SEC14L5: variants seen among roughly 807,000 people sequenced by gnomAD.
SEC14L5 encodes the protein SEC14-like protein 5.
A neutral mutation model predicts 84.6 loss-of-function variants in SEC14L5; 96 were observed. The ratio of observed to expected loss-of-function variants is 1.13; its 90% confidence interval spans 0.96 to 1.34. The LOEUF is 1.34. SEC14L5 is among the 40% of genes most tolerant of loss of function. The pLI is 0.00. For synonymous variants in SEC14L5, 546 were observed against 383.4 expected, an observed-to-expected ratio of 1.42 and a Z score of -4.95; for missense variants, 1,224 against 942.5, an observed-to-expected ratio of 1.30 and a Z score of -3.91.
At chr16:4,978,740 C>G (rs968624715) in intron 2 of SEC14L5, among the ~76,000 whole-genome samples, 3 of 151,792 alleles carry the variant, frequency 2.0e-5, no homozygotes, top group Non-Finnish European at 4.4e-5. Context: ...GTAGCTGGAA[C>G]TACAGGCGCC....
Position 4,990,873 on chromosome 16 carries a change from A to G in SEC14L5, c.452A>G (p.Gln151Arg). ...ENALEKIAMKQYTANVKRGKE... is the reference protein window; with the variant it reads ...ENALEKIAMKRYTANVKRGKE... ...GCCTTGGAGAAGATCGCCATGAAGC[A>G]GTACACCGCCAACGTCAAGAGGGTA... Residue 151 changes from glutamine to arginine, a missense_variant, in exon 5 of 16, where the codon CAG becomes CGG. Physicochemically the swap from Gln to Arg is conservative, Grantham distance 43. Coordinates refer to ENST00000251170, the MANE Select transcript of SEC14L5 (RefSeq NM_014692.2). 1.2e-6 allele frequency: 2 copies of G among 1,606,920 alleles called. No individual in the cohort carries two copies. The highest frequency in any genetic ancestry group is 1.7e-6 in the Non-Finnish European group (2 of 1,176,542).
intron 2 of SEC14L5, among the ~76,000 whole-genome samples, chr16:4,966,846 C>A (rs1241218624): frequency 6.6e-6 from 1 of 152,196 alleles, no homozygotes; most frequent in Non-Finnish European, 1.5e-5. Flanking sequence ...CCAGCGGAGG[C>A]AGTTACCATC....
chr16:5,009,480 T>C (rs7190419), intron 14 of SEC14L5, among the ~76,000 whole-genome samples: 10,147 of 152,082 alleles, frequency 0.067, 1,146 homozygotes, highest in African/African-American at 0.23. Flanking sequence ...CCCGCCACCA[T>C]GTCCAACTAA....
intron 2 of SEC14L5, among the ~76,000 whole-genome samples, chr16:4,970,285 C>T (rs1955259195): frequency 6.6e-6 from 1 of 152,088 alleles, no homozygotes; most frequent in Non-Finnish European, 1.5e-5. Flanking sequence ...TTTGAGCCAG[C>T]CAGGCTGAGA....
At chr16:4,997,418 C>T (rs1218006479) in intron 8 of SEC14L5, among the ~76,000 whole-genome samples, 1 of 152,136 alleles carries the variant, frequency 6.6e-6, no homozygotes, top group Non-Finnish European at 1.5e-5. Flanking sequence ...CTTTAAATGC[C>T]ATGCTTCATG....
rs369136442 is a variant in SEC14L5, at chr16:5,008,559, G to A, written c.1711G>A (p.Gly571Arg). The change falls in exon 14 of 16, where the codon GGG becomes AGG. Residue 571 changes from glycine (G) to arginine (R), a missense_variant. Gly to Arg is a moderately radical substitution (Grantham distance 125). Transcript: ENST00000251170. ...GAREPGTRAS[G>R]QLIDKGWVLG... ...CCGGGAACCGGGGACCAGGGCCAGCGGGCAGCTGATCGACAAAGGCTGGGT... is the reference window on the plus strand; with the variant it reads ...CCGGGAACCGGGGACCAGGGCCAGCAGGCAGCTGATCGACAAAGGCTGGGT... 80 of 1,608,638 alleles carry A rather than the reference G, an allele frequency of 5.0e-5. No individual in the cohort carries two copies. The Admixed American group carries it at 1.1e-3, about 22-fold the overall frequency.
rs778479942 is a variant in SEC14L5 at position 5,008,578 on chromosome 16, G to C, written c.1730G>C (p.Gly577Ala). 9 of 1,607,682 alleles carry C rather than the reference G, an allele frequency of 5.6e-6. No homozygotes were observed. The African/African-American group carries it at 1.1e-4, about 19-fold the overall frequency. Residue 577 changes from glycine (G) to alanine (A), a missense_variant, in exon 14 of 16, where the codon GGC (glycine) becomes GCC (alanine). By Grantham distance (60) the Gly-to-Ala change is moderately conservative. Coordinates refer to ENST00000251170, the MANE Select transcript of SEC14L5 (RefSeq NM_014692.2). The stretch of plus-strand genomic sequence containing the variant: ...GCCAGCGGGCAGCTGATCGACAAAG[G>C]CTGGGTCCTGGGCAGGGATTACAGC... Reference protein sequence around the residue: ...TRASGQLIDKGWVLGRDYSRV... With the variant: ...TRASGQLIDKAWVLGRDYSRV...
At chr16:4,977,474 A>AAAAAAAG (rs2142490630) in intron 2 of SEC14L5, among the ~76,000 whole-genome samples, 1 of 190 alleles carries the variant, frequency 5.3e-3, no homozygotes, top group Admixed American at 0.083. Flanking sequence ...AAAAAAGGAA[A>AAAAAAAG]AAAAAAGAAA....
chr16:5,011,778 G>T (rs1204224165), intron 15 of SEC14L5, among the ~76,000 whole-genome samples: 1 of 152,090 alleles, frequency 6.6e-6, no homozygotes, highest in African/African-American at 2.4e-5. Flanking sequence ...CCCTTAAATG[G>T]GAACCACTGG....
intron 2 of SEC14L5, among the ~76,000 whole-genome samples, chr16:4,973,687 T>C (rs1258073738): frequency 2.0e-5 from 3 of 149,840 alleles, no homozygotes; most frequent in Non-Finnish European, 4.5e-5. Flanking sequence ...TCTCTTTTTT[T>C]TTTTTTTTTT....
At chr16:4,977,166 C>G (rs993944479) in intron 2 of SEC14L5, among the ~76,000 whole-genome samples, 2 of 151,902 alleles carry the variant, frequency 1.3e-5, no homozygotes, top group Non-Finnish European at 1.5e-5. Flanking sequence ...AACCTGCAGG[C>G]CCAGGTGCAG....
chr16:4,990,552 T>G (rs571069472), intron 4 of SEC14L5, among the ~76,000 whole-genome samples: 36 of 152,382 alleles, frequency 2.4e-4, no homozygotes, highest in Admixed American at 1.3e-3. Flanking sequence ...TTCTCCCGGC[T>G]TCTCATGAGA....
At chr16:4,992,314 G>A (rs1049642933) in intron 6 of SEC14L5, among the ~76,000 whole-genome samples, 2 of 152,150 alleles carry the variant, frequency 1.3e-5, no homozygotes, top group South Asian at 2.1e-4. Flanking sequence ...GCAGTAGCAC[G>A]ATCTCGGCTC....
At chr16:4,990,613 G>A (rs1265813974) in intron 4 of SEC14L5, among the ~76,000 whole-genome samples, 154 bp from the exon 5 acceptor site, 4 of 152,182 alleles carry the variant, frequency 2.6e-5, no homozygotes, top group Non-Finnish European at 5.9e-5. Flanking sequence ...TCTGGGTGGG[G>A]GCCCCTTGGT....
At chr16:5,004,794 C>T (rs1555531036) in intron 11 of SEC14L5, among the ~76,000 whole-genome samples, 1 of 152,230 alleles carries the variant, frequency 6.6e-6, no homozygotes, top group Non-Finnish European at 1.5e-5. Flanking sequence ...CCACTTCCTT[C>T]CTTCTTTATC....
At chr16:4,970,177 G>A (rs1442042219) in intron 2 of SEC14L5, among the ~76,000 whole-genome samples, 1 of 152,004 alleles carries the variant, frequency 6.6e-6, no homozygotes, top group Non-Finnish European at 1.5e-5. Context: ...TGGGGGAGGG[G>A]GTGACAGACA....
intron 15 of SEC14L5, among the ~76,000 whole-genome samples, chr16:5,013,029 G>GGA (rs371606201): frequency 2.0e-5 from 3 of 151,968 alleles, no homozygotes; most frequent in Non-Finnish European, 4.4e-5. Context: ...CAAAGGGTCA[G>GGA]GAGAGAGAGA....
At chr16:4,980,864 C>T (rs1296442136) in intron 2 of SEC14L5, among the ~76,000 whole-genome samples, 1 of 152,130 alleles carries the variant, frequency 6.6e-6, no homozygotes, top group Admixed American at 6.6e-5. Context: ...TCCAGAAAGC[C>T]CCATGTCTCA....
At chr16:4,962,965 A>C (rs950041990) in intron 2 of SEC14L5, among the ~76,000 whole-genome samples, 1 of 152,214 alleles carries the variant, frequency 6.6e-6, no homozygotes, top group Non-Finnish European at 1.5e-5. Flanking sequence ...TTTGTTTCGC[A>C]GTTAAACACT....
Sources: allele counts gnomAD v4.1 joint callset (sites outside exome capture counted in the v4.1 genomes callset), GRCh38; gene constraint gnomAD v4.1.1; transcripts MANE v1.5; gene names NCBI Gene and HGNC (gene_info 2026-07-23, HGNC 2026-07-21).